The following ROBO1 variants were observed in gnomAD, a reference collection of about 807,000 sequenced individuals.
ROBO1 encodes the protein roundabout guidance receptor 1.
Under a neutral mutation model 195.9 loss-of-function variants are expected in ROBO1, and 149 were observed. The ratio of observed to expected loss-of-function variants is 0.76; its 90% CI spans 0.67 to 0.87. ROBO1 has a LOEUF of 0.87. ROBO1 is among the 40% of genes least tolerant of loss of function. The pLI, the probability that ROBO1 is intolerant of heterozygous loss-of-function variation, is 0.00. For synonymous variants in ROBO1, 816 were observed against 733.2 expected (o/e 1.11, Z -1.82); for missense variants, 1,933 against 2,068.3 (o/e 0.93, Z 1.27).
intron 2 of ROBO1, among the ~76,000 whole-genome samples, chr3:79,524,068 T>C (rs1300293634): frequency 6.6e-6 from 1 of 152,054 alleles, no homozygotes; most frequent in East Asian, 1.9e-4. Flanking sequence ...AAGGAAGATA[T>C]ACCTAAAGAC....
At chr3:79,030,422 A>C (rs2078274007) in intron 3 of ROBO1, among the ~76,000 whole-genome samples, 1 of 152,028 alleles carries the variant, frequency 6.6e-6, no homozygotes, top group Admixed American at 6.6e-5. Flanking sequence ...AGACTGAGTA[A>C]CTCTGCTCTA....
intron 24 of ROBO1, among the ~76,000 whole-genome samples, chr3:78,632,216 A>G (rs1705227323): frequency 6.6e-6 from 1 of 152,258 alleles, no homozygotes; most frequent in African/African-American, 2.4e-5. Flanking sequence ...AACCCTATCC[A>G]ATCCTTCTCC....
intron 2 of ROBO1, among the ~76,000 whole-genome samples, chr3:79,401,236 C>T (rs904843442): frequency 2.0e-5 from 3 of 151,656 alleles, no homozygotes; most frequent in Non-Finnish European, 4.4e-5. Context: ...GAATATCTGT[C>T]CAGTCATTCA....
chr3:78,886,724 T>C (rs1272502401), intron 4 of ROBO1, among the ~76,000 whole-genome samples: 1 of 152,152 alleles, frequency 6.6e-6, no homozygotes, highest in Non-Finnish European at 1.5e-5. Flanking sequence ...CTCCAAAACA[T>C]AATGTGGAAT....
chr3:78,830,859 C>G (rs1453811420), intron 4 of ROBO1, among the ~76,000 whole-genome samples: 1 of 152,026 alleles, frequency 6.6e-6, no homozygotes, highest in Non-Finnish European at 1.5e-5. Context: ...ACAGCTTCTA[C>G]TTTGGTAACT....
chr3:78,750,499 A>AAATAAAT (rs1306575147), intron 4 of ROBO1, among the ~76,000 whole-genome samples: 1 of 132,382 alleles, frequency 7.6e-6, no homozygotes, highest in African/African-American at 2.8e-5. Context: ...ATAAATAAAT[A>AAATAAAT]AAATAAAATA....
chr3:79,458,796 C>T (rs2039703057), intron 2 of ROBO1, among the ~76,000 whole-genome samples: 1 of 151,332 alleles, frequency 6.6e-6, no homozygotes, highest in African/African-American at 2.4e-5. Flanking sequence ...ACAAATACAA[C>T]ATATTTCAGC....
At chr3:79,401,804 T>A (rs1358911400) in intron 2 of ROBO1, among the ~76,000 whole-genome samples, 4 of 151,816 alleles carry the variant, frequency 2.6e-5, no homozygotes, top group Admixed American at 2.6e-4. Flanking sequence ...AATAAAAATA[T>A]ATTATATAAC....
intron 2 of ROBO1, among the ~76,000 whole-genome samples, chr3:79,448,497 A>T (rs1239037988): frequency 6.6e-6 from 1 of 152,110 alleles, no homozygotes; most frequent in Non-Finnish European, 1.5e-5. Flanking sequence ...ATTAATTAGC[A>T]GTTTATTTGT....
chr3:79,000,337 T>C (rs929993418), intron 3 of ROBO1, among the ~76,000 whole-genome samples: 1 of 152,140 alleles, frequency 6.6e-6, no homozygotes, highest in South Asian at 2.1e-4. Context: ...GTCAGATGGA[T>C]AGATTGCAAA....
At chr3:78,988,224 T>C (rs2077157566) in intron 3 of ROBO1, among the ~76,000 whole-genome samples, 1 of 152,056 alleles carries the variant, frequency 6.6e-6, no homozygotes, top group African/African-American at 2.4e-5. Flanking sequence ...TAATTCGAAG[T>C]TCCCTTTTTG....
chr3:78,823,852 C>CT (rs924782343), intron 4 of ROBO1, among the ~76,000 whole-genome samples: 1 of 151,868 alleles, frequency 6.6e-6, no homozygotes, highest in Admixed American at 6.6e-5. Context: ...GTATGAATTT[C>CT]TTTTTTTCTC....
At chr3:79,583,232 T>C (rs1375121855) in intron 2 of ROBO1, among the ~76,000 whole-genome samples, 1 of 152,044 alleles carries the variant, frequency 6.6e-6, no homozygotes, top group East Asian at 1.9e-4. Context: ...GTTTATTATG[T>C]AGTTATTAAG....
At chr3:78,959,199 A>G (rs1231269521) in intron 3 of ROBO1, among the ~76,000 whole-genome samples, 1 of 152,202 alleles carries the variant, frequency 6.6e-6, no homozygotes, top group Non-Finnish European at 1.5e-5. Context: ...AAGCATATTC[A>G]AATTGTCCTA....
chr3:78,890,687 A>G (rs918967267), intron 4 of ROBO1, among the ~76,000 whole-genome samples: 1 of 152,160 alleles, frequency 6.6e-6, no homozygotes, highest in African/African-American at 2.4e-5. Context: ...TGTTGAATAC[A>G]TTTATATTAA....
In ROBO1 at chr3:78,685,805, C is replaced by A. The variant is rs1375177067; in HGVS notation, c.1283G>T (p.Cys428Phe). The change falls in exon 10 of 31, where the codon TGC becomes TTC. Residue 428 changes from cysteine (C) to phenylalanine (F), a missense_variant. Coordinates refer to ENST00000464233, the MANE Select transcript of ROBO1 (RefSeq NM_002941.4). ...GCTTCCAGCAACATTTAAAGTCTGGCAGATGTAATAACCAACATCAGATCG... is the reference window on the plus strand; with the variant it reads ...GCTTCCAGCAACATTTAAAGTCTGGAAGATGTAATAACCAACATCAGATCG... Reference protein sequence around the residue: ...VQRSDVGYYICQTLNVAGSII... With the variant: ...VQRSDVGYYIFQTLNVAGSII... The A allele has an allele frequency of 6.2e-7, 1 of 1,612,128 alleles. No individual in the cohort carries two copies.
intron 3 of ROBO1, among the ~76,000 whole-genome samples, chr3:79,047,729 T>C (rs993892972): frequency 6.6e-6 from 1 of 152,118 alleles, no homozygotes; most frequent in Non-Finnish European, 1.5e-5. Flanking sequence ...CATCATATTT[T>C]ATATGTTGCA....
intron 2 of ROBO1, among the ~76,000 whole-genome samples, chr3:79,237,069 C>G (rs1373815379): frequency 6.6e-6 from 1 of 152,138 alleles, no homozygotes. Flanking sequence ...AATACTAATA[C>G]TATAAATGCT....
intron 4 of ROBO1, among the ~76,000 whole-genome samples, chr3:78,782,116 A>T (rs1337805242): frequency 2.0e-5 from 3 of 152,164 alleles, no homozygotes; most frequent in Admixed American, 1.3e-4. Flanking sequence ...TCTTGCTTTA[A>T]ATGTCTATTA....
Sources: gnomAD v4.1 joint callset for allele counts (sites outside exome capture counted in the v4.1 genomes callset) on GRCh38, gnomAD v4.1.1 for gene constraint, MANE v1.5 for transcripts, NCBI Gene and HGNC (gene_info 2026-07-23, HGNC 2026-07-21) for gene names.